ROBO2: variants seen among roughly 807,000 people sequenced by gnomAD.
The protein encoded by ROBO2 is roundabout guidance receptor 2, also known as roundabout homolog 2.
In ROBO2, 53 loss-of-function variants were observed where a neutral mutation model predicts 160.8. That is an observed-to-expected ratio of 0.33 (90% CI 0.26 to 0.41). The LOEUF (loss-of-function observed/expected upper bound fraction) is 0.41, where lower values mean the gene tolerates loss of function less well. Among genes scored for constraint, ROBO2 ranks in the 10% least tolerant of loss-of-function variants. The pLI is 1.00. For synonymous variants in ROBO2, 664 were observed against 611.7 expected (o/e 1.09, Z -1.26); for missense variants, 1,577 against 1,722.4 (o/e 0.92, Z 1.49).
At chr3:76,014,982 T>A (rs1261793483) in intron 2 of ROBO2, among the ~76,000 whole-genome samples, 1 of 152,094 alleles carries the variant, frequency 6.6e-6, no homozygotes, top group Non-Finnish European at 1.5e-5. Context: ...AGGCAAAAAG[T>A]AGGCCCTCAA....
At chr3:77,509,852 G>A (rs1341715933) in intron 5 of ROBO2, among the ~76,000 whole-genome samples, 1 of 152,014 alleles carries the variant, frequency 6.6e-6, no homozygotes, top group African/African-American at 2.4e-5. Context: ...GTTAATAAAA[G>A]TGACAGGGTC....
At chr3:77,596,127 C>A (rs1047330089) in intron 18 of ROBO2, among the ~76,000 whole-genome samples, 1 of 152,048 alleles carries the variant, frequency 6.6e-6, no homozygotes, top group Non-Finnish European at 1.5e-5. Flanking sequence ...ATTTATGGAG[C>A]AGTATAAATA....
At chr3:77,553,242 G>A (rs184842929) in intron 8 of ROBO2, among the ~76,000 whole-genome samples, 1 of 151,834 alleles carries the variant, frequency 6.6e-6, no homozygotes, top group Admixed American at 6.6e-5. Flanking sequence ...TATAATTTTT[G>A]GGGGGTATCA....
intron 2 of ROBO2, among the ~76,000 whole-genome samples, chr3:75,940,651 C>T (rs1948010651): frequency 6.6e-6 from 1 of 151,952 alleles, no homozygotes; most frequent in East Asian, 1.9e-4. Flanking sequence ...GGAAATATAC[C>T]TACAATGGAA....
At chr3:76,459,353 C>A (rs1398217589) in intron 2 of ROBO2, among the ~76,000 whole-genome samples, 1 of 152,086 alleles carries the variant, frequency 6.6e-6, no homozygotes, top group Non-Finnish European at 1.5e-5. Context: ...GTGTAACATT[C>A]ATTAGAAAGA....
Position 76,518,145 on chromosome 3 carries a change from A to C in ROBO2, c.110-579869A>C, listed in dbSNP as rs940235540. Among the ~76,000 whole-genome samples, 3 of 152,130 alleles carry C rather than the reference A, an allele frequency of 2.0e-5. No individual in the cohort carries two copies. In the East Asian group the frequency reaches 5.8e-4, roughly 29 times the overall value. On this transcript the variant is annotated intron_variant, in intron 2 of 26. Coordinates refer to the ROBO2 transcript ENST00000487694. ...TGTCCAGTAGCCTTCTGTAGTAGAAAACAGAAACAATAATGACACACAAAA... is the reference window on the plus strand; with the variant it reads ...TGTCCAGTAGCCTTCTGTAGTAGAACACAGAAACAATAATGACACACAAAA...
At chr3:76,872,440 C>A (rs1007767866) in intron 2 of ROBO2, among the ~76,000 whole-genome samples, 2 of 151,826 alleles carry the variant, frequency 1.3e-5, no homozygotes, top group African/African-American at 4.8e-5. Flanking sequence ...CATTTAAAAC[C>A]TTTTATTCCA....
intron 2 of ROBO2, among the ~76,000 whole-genome samples, chr3:77,228,572 GACCTGTCC>G (rs1156969847): frequency 6.6e-6 from 1 of 151,874 alleles, no homozygotes; most frequent in Non-Finnish European, 1.5e-5. Flanking sequence ...CACACACTGG[GACCTGTCC>G]ACCTGTCCCA....
chr3:77,381,137 A>G (rs756412774), intron 2 of ROBO2, among the ~76,000 whole-genome samples: 18 of 152,220 alleles, frequency 1.2e-4, no homozygotes, highest in Non-Finnish European at 2.2e-4. Context: ...AACACGGTGA[A>G]ACCCCGTCTC....
chr3:76,535,700 G>A (rs1466045044), intron 2 of ROBO2, among the ~76,000 whole-genome samples: 1 of 152,100 alleles, frequency 6.6e-6, no homozygotes, highest in South Asian at 2.1e-4. Flanking sequence ...ACACCAGAGT[G>A]GGGGAGTTTT....
intron 2 of ROBO2, among the ~76,000 whole-genome samples, chr3:77,144,305 C>A (rs989924990): frequency 3.3e-5 from 5 of 152,172 alleles, no homozygotes; most frequent in Non-Finnish European, 7.3e-5. Context: ...ACCTTGCAAT[C>A]CTGCTGGGCT....
intron 2 of ROBO2, among the ~76,000 whole-genome samples, chr3:76,096,132 G>A (rs1005259697): frequency 5.3e-5 from 8 of 152,148 alleles, no homozygotes; most frequent in Non-Finnish European, 8.8e-5. Flanking sequence ...GTCATAGGCA[G>A]TTCTCATGTT....
intron 2 of ROBO2, among the ~76,000 whole-genome samples, chr3:76,337,095 T>C (rs1233995738): frequency 6.6e-6 from 1 of 152,152 alleles, no homozygotes; most frequent in Admixed American, 6.5e-5. Flanking sequence ...CAGAGACACA[T>C]TTTTCCTTCT....
intron 2 of ROBO2, among the ~76,000 whole-genome samples, chr3:77,009,912 C>T (rs1283321705): frequency 1.4e-5 from 2 of 143,300 alleles, no homozygotes; most frequent in African/African-American, 2.6e-5. Context: ...TGCCACTGCA[C>T]TCCAGCCTGA....
intron 2 of ROBO2, among the ~76,000 whole-genome samples, chr3:76,706,855 ACATT>A (rs1302316130): frequency 6.6e-6 from 1 of 152,124 alleles, no homozygotes; most frequent in Non-Finnish European, 1.5e-5. Context: ...CTTTTAACAC[ACATT>A]TAGAGGGTGA....
At chr3:77,192,839 AGAT>A (rs1214139400) in intron 2 of ROBO2, among the ~76,000 whole-genome samples, 6 of 151,554 alleles carry the variant, frequency 4.0e-5, no homozygotes, top group Non-Finnish European at 8.8e-5. Context: ...TTTTAAGTAG[AGAT>A]GGGGCTTCAC....
At chr3:76,822,921 C>T (rs2066247539) in intron 2 of ROBO2, among the ~76,000 whole-genome samples, 1 of 151,868 alleles carries the variant, frequency 6.6e-6, no homozygotes, top group Non-Finnish European at 1.5e-5. Context: ...AGAACAAATA[C>T]AGGAAAAACA....
At chr3:76,555,611 G>A (rs1429499872) in intron 2 of ROBO2, among the ~76,000 whole-genome samples, 1 of 152,062 alleles carries the variant, frequency 6.6e-6, no homozygotes, top group Non-Finnish European at 1.5e-5. Flanking sequence ...GTATTAAGAT[G>A]GCTCTTTGAA....
At chr3:77,373,710 G>A (rs1156771861) in intron 2 of ROBO2, among the ~76,000 whole-genome samples, 1 of 151,890 alleles carries the variant, frequency 6.6e-6, no homozygotes, top group Non-Finnish European at 1.5e-5. Context: ...ATAGCTGCCA[G>A]CAATCCTCTC....
Sources: gnomAD v4.1 joint callset for allele counts (sites outside exome capture counted in the v4.1 genomes callset) on GRCh38, gnomAD v4.1.1 for gene constraint, MANE v1.5 for transcripts, NCBI Gene and HGNC (gene_info 2026-07-23, HGNC 2026-07-21) for gene names.